TYR: variants seen among roughly 807,000 people sequenced by gnomAD.
The protein encoded by TYR is tyrosinase, also known as LB24-AB.
In TYR, 58 loss-of-function variants were observed where a neutral mutation model predicts 51.5. The observed-to-expected ratio is 1.13, with a 90% CI of 0.91 to 1.40. TYR has a LOEUF of 1.40. Ranked by LOEUF, TYR falls within the 40% of genes most tolerant of loss-of-function variation. TYR has a pLI of 0.00. For synonymous variants in TYR, 263 were observed against 235.2 expected, an observed-to-expected ratio of 1.12 and a Z score of -1.08; for missense variants, 732 against 647.4, an observed-to-expected ratio of 1.13 and a Z score of -1.42.
intron 3 of TYR, among the ~76,000 whole-genome samples, chr11:89,236,003 A>G (rs970939119): frequency 2.6e-5 from 4 of 152,112 alleles, no homozygotes; most frequent in Non-Finnish European, 4.4e-5. Context: ...ATTTGTCTAG[A>G]TGCCTTGATG....
At chr11:89,221,022 GA>G (rs1455680509) in intron 2 of TYR, among the ~76,000 whole-genome samples, 1 of 152,178 alleles carries the variant, frequency 6.6e-6, no homozygotes, top group Non-Finnish European at 1.5e-5. Context: ...TTATGGAAAT[GA>G]CTTATAATTC....
At chr11:89,292,116 T>C (rs991786474) in intron 4 of TYR, among the ~76,000 whole-genome samples, 2 of 152,028 alleles carry the variant, frequency 1.3e-5, no homozygotes, top group African/African-American at 4.8e-5. Flanking sequence ...CCTCATAACA[T>C]AGTGAAATAT....
chr11:89,243,613 T>A (rs1346102891), intron 3 of TYR, among the ~76,000 whole-genome samples: 1 of 152,244 alleles, frequency 6.6e-6, no homozygotes, highest in Non-Finnish European at 1.5e-5. Flanking sequence ...CACATCTTTG[T>A]ATCTGTAGTT....
intron 3 of TYR, among the ~76,000 whole-genome samples, chr11:89,249,322 A>C (rs1361204566): frequency 1.3e-5 from 2 of 152,026 alleles, no homozygotes; most frequent in African/African-American, 4.8e-5. Flanking sequence ...TTGAGTATAA[A>C]CACAGAAGAA....
intron 2 of TYR, among the ~76,000 whole-genome samples, chr11:89,213,365 G>C (rs1018267013): frequency 1.1e-4 from 16 of 151,976 alleles, no homozygotes; most frequent in Admixed American, 8.5e-4. Context: ...AAATACCTAG[G>C]AATCCAACTT....
intron 3 of TYR, among the ~76,000 whole-genome samples, chr11:89,266,752 G>A (rs1944530468): frequency 6.6e-6 from 1 of 151,894 alleles, no homozygotes. Context: ...ACCAAACTAA[G>A]CACTAATTTT....
chr11:89,286,561 A>G (rs575539377), intron 4 of TYR, among the ~76,000 whole-genome samples: 25 of 151,910 alleles, frequency 1.6e-4, no homozygotes, highest in African/African-American at 6.0e-4. Context: ...CTTACCTAGT[A>G]TATGGTACAA....
intron 2 of TYR, among the ~76,000 whole-genome samples, chr11:89,215,580 T>C (rs985577560): frequency 6.6e-6 from 1 of 152,152 alleles, no homozygotes; most frequent in South Asian, 2.1e-4. Flanking sequence ...CTATATCCCA[T>C]TGGCTTTAAA....
intron 2 of TYR, among the ~76,000 whole-genome samples, chr11:89,208,066 A>T (rs1311826672): frequency 6.6e-6 from 1 of 152,248 alleles, no homozygotes; most frequent in Admixed American, 6.5e-5. Flanking sequence ...CAGGAGATCA[A>T]GACCATCCTG....
At chr11:89,286,584 T>C (rs1218725842) in intron 4 of TYR, among the ~76,000 whole-genome samples, 3 of 151,784 alleles carry the variant, frequency 2.0e-5, no homozygotes, top group East Asian at 3.9e-4. Context: ...TATACACAAT[T>C]TGGGGCTAAC....
intron 4 of TYR, among the ~76,000 whole-genome samples, chr11:89,289,024 T>C (rs1944826534): frequency 6.6e-6 from 1 of 152,078 alleles, no homozygotes; most frequent in South Asian, 2.1e-4. Flanking sequence ...TTTTCTCTTA[T>C]AATTGAATTT....
At chr11:89,282,890 A>T (rs1469101739) in intron 3 of TYR, among the ~76,000 whole-genome samples, 1 of 151,828 alleles carries the variant, frequency 6.6e-6, no homozygotes, top group Non-Finnish European at 1.5e-5. Context: ...AGGAGGGGGA[A>T]GAAGAGAAGA....
chr11:89,187,486 G>A (rs1023158489), intron 1 of TYR, among the ~76,000 whole-genome samples: 15 of 152,114 alleles, frequency 9.9e-5, no homozygotes, highest in Admixed American at 3.3e-4. Flanking sequence ...AGTCTTTGAA[G>A]GTTCATAACA....
At chr11:89,188,018 G>A (rs1241335086) in intron 1 of TYR, among the ~76,000 whole-genome samples, 2 of 149,502 alleles carry the variant, frequency 1.3e-5, no homozygotes, top group African/African-American at 4.9e-5. Flanking sequence ...AAGTGTGTGT[G>A]GTGAGACAGT....
intron 3 of TYR, among the ~76,000 whole-genome samples, chr11:89,277,515 G>C (rs1944669793): frequency 1.3e-5 from 2 of 151,666 alleles, no homozygotes; most frequent in African/African-American, 2.4e-5. Flanking sequence ...TTCTCAATTT[G>C]TGTTTCCAAA....
intron 2 of TYR, among the ~76,000 whole-genome samples, chr11:89,204,571 T>A (rs1449868856): frequency 6.6e-6 from 1 of 151,982 alleles, no homozygotes; most frequent in African/African-American, 2.4e-5. Context: ...ATTTTTTTTA[T>A]ATTTTTAGTA....
At chr11:89,245,508 T>A (rs780980089) in intron 3 of TYR, among the ~76,000 whole-genome samples, 1 of 152,176 alleles carries the variant, frequency 6.6e-6, no homozygotes, top group African/African-American at 2.4e-5. Context: ...AGGGATTATT[T>A]TGAACACTAG....
intron 1 of TYR, among the ~76,000 whole-genome samples, chr11:89,190,394 T>A (rs1943427184): frequency 6.6e-6 from 1 of 152,174 alleles, no homozygotes; most frequent in Non-Finnish European, 1.5e-5. Flanking sequence ...CTAGTGTGTA[T>A]GCTTGTGTCT....
rs181085390 is a variant in TYR, at chr11:89,195,598, G to A, written c.1036+4180G>A. Among the ~76,000 whole-genome samples, 631 of 152,186 alleles carry A rather than the reference G, an allele frequency of 4.1e-3. 5 individuals carry two copies. Among genetic ancestry groups the A allele is most frequent in the African/African-American group, 0.015 (605 of 41,520 alleles). On this transcript the variant is annotated intron_variant, in intron 2 of 4. Coordinates refer to ENST00000263321, the MANE Select transcript of TYR (RefSeq NM_000372.5). ...GGAGGCTGAGGCAGGAGAATCGCTT[G>A]AACCCAGGAGGCAGAGGCTGCAGTG...
Sources: allele counts gnomAD v4.1 joint callset (sites outside exome capture counted in the v4.1 genomes callset), GRCh38; gene constraint gnomAD v4.1.1; transcripts MANE v1.5; gene names NCBI Gene and HGNC (gene_info 2026-07-23, HGNC 2026-07-21).